SLC6A15: variants seen among roughly 807,000 people sequenced by gnomAD.
SLC6A15 encodes the protein sodium-dependent neutral amino acid transporter B(0)AT2.
A neutral mutation model predicts 68.5 loss-of-function variants in SLC6A15; 33 were observed. The ratio of observed to expected loss-of-function variants is 0.48; its 90% CI spans 0.37 to 0.64. The LOEUF (loss-of-function observed/expected upper bound fraction) is 0.64. SLC6A15 is among the 30% of genes least tolerant of loss of function. SLC6A15 has a pLI of 0.00. For synonymous variants in SLC6A15, 347 were observed against 301.0 expected (o/e 1.15, Z -1.58); for missense variants, 747 against 874.3 (o/e 0.85, Z 1.84).
intron 1 of SLC6A15, among the ~76,000 whole-genome samples, chr12:84,905,993 A>C (rs1291446793): frequency 6.6e-6 from 1 of 152,198 alleles, no homozygotes; most frequent in African/African-American, 2.4e-5. Flanking sequence ...ATGTTATATG[A>C]ATGTAATAAT....
intron 2 of SLC6A15, among the ~76,000 whole-genome samples, chr12:84,888,608 A>G (rs1872230128): frequency 6.6e-6 from 1 of 152,158 alleles, no homozygotes; most frequent in Non-Finnish European, 1.5e-5. Context: ...TTAGAGATTC[A>G]GAAGGGGAAA....
intron 9 of SLC6A15, 176 bp from the exon 10 acceptor site, chr12:84,867,369 G>C (rs1307091100): frequency 5.1e-6 from 2 of 395,218 alleles, no homozygotes; most frequent in African/African-American, 4.1e-5. Flanking sequence ...GGTTACCTGG[G>C]TGTAGCCTCA....
At chr12:84,907,065 C>T (rs186250731) in intron 1 of SLC6A15, among the ~76,000 whole-genome samples, 2 of 151,958 alleles carry the variant, frequency 1.3e-5, no homozygotes, top group African/African-American at 2.4e-5. Flanking sequence ...AAAACTCGAC[C>T]GTTGCCAGGC....
chr12:84,867,163 C>A lies in SLC6A15; in HGVS notation c.1526G>T (p.Gly509Val). 1.9e-6 allele frequency: 3 copies of A among 1,605,660 alleles called. No individual in the cohort carries two copies. The highest frequency in any genetic ancestry group is 1.1e-5 in the South Asian group (1 of 89,194). The change falls in exon 10 of 12, where the codon GGC becomes GTC. Residue 509 changes from glycine to valine, a missense_variant. Coordinates refer to ENST00000266682, the MANE Select transcript of SLC6A15 (RefSeq NM_182767.6). ...TCCAGAGCGTTGCACAAATATCAGGCCAATACAAAATGCCAGAAGACAACA... is the reference window on the plus strand; with the variant it reads ...TCCAGAGCGTTGCACAAATATCAGGACAATACAAAATGCCAGAAGACAACA... ...VICCLLAFCI[G>V]LIFVQRSGNY... is the part of the protein sequence containing the mutation.
At chr12:84,883,830 A>C in intron 5 of SLC6A15, 29 bp downstream of exon 5, 3 of 1,614,132 alleles carry the variant, frequency 1.9e-6, no homozygotes, top group Non-Finnish European at 2.5e-6. Context: ...GGTGATTAGC[A>C]GAATGAGGAA....
chr12:84,889,229 G>A (rs1417870955), intron 2 of SLC6A15, among the ~76,000 whole-genome samples: 2 of 152,170 alleles, frequency 1.3e-5, no homozygotes, highest in Non-Finnish European at 2.9e-5. Flanking sequence ...GGTGGCTCAT[G>A]CCTGTAGTCC....
chr12:84,901,043 T>C (rs994476329), intron 1 of SLC6A15, among the ~76,000 whole-genome samples: 1 of 149,536 alleles, frequency 6.7e-6, no homozygotes, highest in Non-Finnish European at 1.5e-5. Context: ...TGCATACACA[T>C]ATACGTATAT....
At chr12:84,893,887 T>C (rs1240751340) in intron 1 of SLC6A15, among the ~76,000 whole-genome samples, 1 of 152,106 alleles carries the variant, frequency 6.6e-6, no homozygotes, top group Non-Finnish European at 1.5e-5. Flanking sequence ...GTTTAGAAAA[T>C]TGTGAAAGAG....
rs951804421 is a variant in SLC6A15, at chr12:84,861,134, A to G, written c.*498T>C. ...GCAGTTTTCTTCAACTAATTGCCTA[A>G]GAAGGTGTCAATGCTACCAAAATCA... On this transcript the variant is annotated 3_prime_UTR_variant, in exon 12 of 12. Transcript: ENST00000266682. The G allele has an allele frequency of 1.3e-5, 2 of 152,500 alleles. No homozygotes were observed. Among genetic ancestry groups the G allele is most frequent in the Non-Finnish European group, 2.9e-5 (2 of 68,284 alleles). 9.4% of individuals were successfully genotyped at this position (152,500 alleles called of 1,614,324 possible).
chr12:84,888,489 T>C (rs1039249168), intron 2 of SLC6A15, among the ~76,000 whole-genome samples: 4 of 152,134 alleles, frequency 2.6e-5, no homozygotes, highest in Non-Finnish European at 4.4e-5. Context: ...GAGGCCATTA[T>C]TCTAAGTGAA....
intron 2 of SLC6A15, among the ~76,000 whole-genome samples, chr12:84,888,532 G>A (rs1187350221): frequency 6.6e-6 from 1 of 152,094 alleles, no homozygotes; most frequent in Non-Finnish European, 1.5e-5. Context: ...AAAACTTTAT[G>A]TTCTCATTTA....
intron 9 of SLC6A15, among the ~76,000 whole-genome samples, chr12:84,869,402 C>A (rs1207528401): frequency 7.2e-6 from 1 of 138,694 alleles, no homozygotes; most frequent in Non-Finnish European, 1.5e-5. Context: ...GCGGAGCTTG[C>A]AGTGAGCTGA....
At chr12:84,910,803 G>A (rs950914954) in intron 1 of SLC6A15, among the ~76,000 whole-genome samples, 12 of 152,082 alleles carry the variant, frequency 7.9e-5, no homozygotes, top group Non-Finnish European at 1.6e-4. Context: ...GACCCCTTCT[G>A]CCCGTACCTA....
intron 5 of SLC6A15, chr12:84,881,527 C>T: frequency 3.0e-6 from 3 of 985,356 alleles, no homozygotes; most frequent in Non-Finnish European, 3.6e-6. Flanking sequence ...TGATATGTGC[C>T]TACCTAGCCC....
chr12:84,905,320 ATATC>A (rs1565734617), intron 1 of SLC6A15, among the ~76,000 whole-genome samples: 2 of 152,230 alleles, frequency 1.3e-5, no homozygotes, highest in African/African-American at 2.4e-5. Context: ...TCACATGACT[ATATC>A]TACTGATGCA....
chr12:84,862,653 A>G (rs1159484783), intron 11 of SLC6A15, among the ~76,000 whole-genome samples: 1 of 152,208 alleles, frequency 6.6e-6, no homozygotes, highest in Non-Finnish European at 1.5e-5. Context: ...GAGAATAGAA[A>G]TTGAAATAGT....
At position 84,884,001 on chromosome 12, in the gene SLC6A15, T is replaced by A; in HGVS notation, c.614A>T (p.Tyr205Phe). Reference sequence around the variant, plus strand: ...ATTCAGTGCTTCCCTGTACCAGTAATAGGTGGTGGCAGAACTTTGTTCACA... The same window carrying A: ...ATTCAGTGCTTCCCTGTACCAGTAAAAGGTGGTGGCAGAACTTTGTTCACA... ...PECEQSSATT[Y>F]YWYREALNIS... The change falls in exon 5 of 12, where the codon TAT becomes TTT. Residue 205 changes from tyrosine (Y) to phenylalanine (F), a missense_variant. Coordinates refer to ENST00000266682, the MANE Select transcript of SLC6A15 (RefSeq NM_182767.6). 1.2e-6 allele frequency: 2 copies of A among 1,614,180 alleles called. No homozygotes were observed. Among genetic ancestry groups the A allele is most frequent in the South Asian group, 2.2e-5 (2 of 91,070 alleles).
intron 1 of SLC6A15, among the ~76,000 whole-genome samples, chr12:84,911,619 T>A (rs1032447851): frequency 1.3e-5 from 2 of 152,224 alleles, no homozygotes; most frequent in Non-Finnish European, 2.9e-5. Flanking sequence ...GGGTGGGTCA[T>A]GCCTGTTCCC....
intron 2 of SLC6A15, among the ~76,000 whole-genome samples, chr12:84,889,212 T>TG (rs1416780380): frequency 6.6e-6 from 1 of 152,164 alleles, no homozygotes; most frequent in Non-Finnish European, 1.5e-5. Flanking sequence ...AACAGTTGCC[T>TG]GGGCGCGGTG....
Sources: allele counts gnomAD v4.1 joint callset (sites outside exome capture counted in the v4.1 genomes callset), GRCh38; gene constraint gnomAD v4.1.1; transcripts MANE v1.5; gene names NCBI Gene and HGNC (gene_info 2026-07-23, HGNC 2026-07-21).